RABGAP1L: variants seen among roughly 807,000 people sequenced by gnomAD.
The protein encoded by RABGAP1L is rab GTPase-activating protein 1-like.
Under a neutral mutation model 137.7 loss-of-function variants are expected in RABGAP1L, and 63 were observed. The ratio of observed to expected loss-of-function variants is 0.46; its 90% CI spans 0.37 to 0.56. The LOEUF (loss-of-function observed/expected upper bound fraction) is 0.56. RABGAP1L is among the 20% of genes least tolerant of loss of function. The probability of loss-of-function intolerance (pLI) is 0.00; values close to 1 mark genes in which losing one functional copy is unlikely to be tolerated. For synonymous variants in RABGAP1L, 431 were observed against 433.7 expected, an observed-to-expected ratio of 0.99 and a Z score of 0.08; for missense variants, 1,095 against 1,244.0, an observed-to-expected ratio of 0.88 and a Z score of 1.80.
rs1571776889 is a variant in RABGAP1L at position 174,250,478 on chromosome 1, A to G, written c.721A>G (p.Ser241Gly). ...VFSCEIKEAVSRILYSFCTAF... is the reference protein window; with the variant it reads ...VFSCEIKEAVGRILYSFCTAF... ...ATTTCCTTTTTTATTCTTTTAGGTA[A>G]GCAGAATTTTGTACAGTTTCTGTAC... is the stretch of plus-strand genomic sequence containing the variant. Residue 241 changes from serine (S) to glycine (G), a missense_variant, in exon 6 of 26, where the codon AGC becomes GGC. Transcript: ENST00000681986. The G allele has an allele frequency of 1.2e-6, 2 of 1,602,362 alleles. No individual in the cohort carries two copies. The highest frequency in any genetic ancestry group is 8.5e-7 in the Non-Finnish European group (1 of 1,173,684).
intron 19 of RABGAP1L, among the ~76,000 whole-genome samples, chr1:174,915,489 G>C (rs1242081798): frequency 1.3e-5 from 2 of 151,884 alleles, no homozygotes; most frequent in Admixed American, 6.6e-5. Flanking sequence ...AGACAGTCTT[G>C]CTCTGTCACC....
chr1:174,585,442 T>C (rs984513301), intron 13 of RABGAP1L, among the ~76,000 whole-genome samples: 1 of 152,116 alleles, frequency 6.6e-6, no homozygotes, highest in Non-Finnish European at 1.5e-5. Context: ...AATCAAGTTT[T>C]CCCCAATTGG....
chr1:174,955,021 C>T (rs1274069356), intron 19 of RABGAP1L, among the ~76,000 whole-genome samples: 1 of 152,176 alleles, frequency 6.6e-6, no homozygotes, highest in African/African-American at 2.4e-5. Flanking sequence ...GTTTTGTTAA[C>T]ACATGATTGT....
intron 1 of RABGAP1L, among the ~76,000 whole-genome samples, chr1:174,165,295 G>A (rs556397924): frequency 1.3e-5 from 2 of 151,994 alleles, no homozygotes; most frequent in Admixed American, 1.3e-4. Flanking sequence ...GATTACAGGC[G>A]CCAACTGCCA....
At chr1:174,405,777 A>C (rs1357161769) in intron 13 of RABGAP1L, among the ~76,000 whole-genome samples, 1 of 152,128 alleles carries the variant, frequency 6.6e-6, no homozygotes, top group Non-Finnish European at 1.5e-5. Context: ...TAGGAGTTCG[A>C]GACCAGCCTG....
At chr1:174,958,003 C>A in intron 20 of RABGAP1L, 2 of 1,550,568 alleles carry the variant, frequency 1.3e-6, no homozygotes. Context: ...AAAAATGAAA[C>A]AAAAAGGAAA....
chr1:174,843,735 A>AT, intron 19 of RABGAP1L, among the ~76,000 whole-genome samples: 1 of 92,176 alleles, frequency 1.1e-5, no homozygotes, highest in South Asian at 4.6e-4. Context: ...TCATTTGGGT[A>AT]TATACCCAGT....
At chr1:174,584,442 C>T (rs756656243) in intron 13 of RABGAP1L, among the ~76,000 whole-genome samples, 8 of 152,110 alleles carry the variant, frequency 5.3e-5, no homozygotes, top group Non-Finnish European at 1.2e-4. Flanking sequence ...AAATATCATT[C>T]TTGGGTCAGG....
chr1:174,490,218 G>A (rs565988393), intron 13 of RABGAP1L, among the ~76,000 whole-genome samples: 3 of 152,174 alleles, frequency 2.0e-5, no homozygotes, highest in African/African-American at 4.8e-5. Context: ...TATTTGTAAC[G>A]GTCTTTCTTG....
At chr1:174,197,216 A>T (rs1667753723) in intron 1 of RABGAP1L, among the ~76,000 whole-genome samples, 1 of 152,162 alleles carries the variant, frequency 6.6e-6, no homozygotes, top group South Asian at 2.1e-4. Context: ...ATGAAGTTGA[A>T]GTTTAGAGAT....
At chr1:174,858,919 G>A (rs1040913558) in intron 19 of RABGAP1L, among the ~76,000 whole-genome samples, 6 of 152,168 alleles carry the variant, frequency 3.9e-5, no homozygotes, top group South Asian at 2.1e-4. Context: ...ACAGATGCTG[G>A]TGAGGTTGTT....
At chr1:174,479,288 G>T (rs1173258286) in intron 13 of RABGAP1L, among the ~76,000 whole-genome samples, 5 of 152,162 alleles carry the variant, frequency 3.3e-5, no homozygotes, top group African/African-American at 1.2e-4. Context: ...TAATGCATTT[G>T]CCCAGTGTTA....
chr1:174,889,505 C>T (rs910375155), intron 19 of RABGAP1L, among the ~76,000 whole-genome samples: 8 of 152,102 alleles, frequency 5.3e-5, no homozygotes, highest in Admixed American at 2.6e-4. Flanking sequence ...ACTGCAGCCT[C>T]GAACTCCTGG....
chr1:174,173,322 G>A (rs759304368), intron 1 of RABGAP1L, among the ~76,000 whole-genome samples: 3 of 151,854 alleles, frequency 2.0e-5, no homozygotes, highest in Middle Eastern at 3.4e-3. Flanking sequence ...TAGAGATGGC[G>A]TTTCTCCATG....
chr1:174,973,532 C>G (rs1263322517), intron 21 of RABGAP1L, among the ~76,000 whole-genome samples: 1 of 151,690 alleles, frequency 6.6e-6, no homozygotes, highest in Non-Finnish European at 1.5e-5. Context: ...TTACAGGTGC[C>G]CAAAACCATG....
rs759822709 is a variant in RABGAP1L at position 174,991,381 on chromosome 1, G to T, written c.*1380G>T. On this transcript the variant is annotated 3_prime_UTR_variant, in exon 26 of 26. Coordinates refer to ENST00000681986, the MANE Select transcript of RABGAP1L (RefSeq NM_001366446.1). ...CATTGTTGAACATATTATTTGCAAAGAATCTTAAACTCTGTAGTGCCAGAA... is the reference window on the plus strand; with the variant it reads ...CATTGTTGAACATATTATTTGCAAATAATCTTAAACTCTGTAGTGCCAGAA... The T allele has an allele frequency of 4.6e-5, 7 of 152,138 alleles. No individual in the cohort carries two copies. The highest frequency in any genetic ancestry group is 8.8e-5 in the Non-Finnish European group (6 of 68,034). 9.4% of individuals were successfully genotyped at this position (152,138 alleles called of 1,614,324 possible).
chr1:174,475,630 A>G (rs992550639), intron 13 of RABGAP1L, among the ~76,000 whole-genome samples: 10 of 152,166 alleles, frequency 6.6e-5, no homozygotes, highest in African/African-American at 2.4e-4. Flanking sequence ...AGATCAAGCC[A>G]GGAATGGTGG....
chr1:174,604,718 A>C (rs938265903), intron 13 of RABGAP1L, among the ~76,000 whole-genome samples: 5 of 152,218 alleles, frequency 3.3e-5, no homozygotes, highest in Non-Finnish European at 7.3e-5. Context: ...TTACCATGTC[A>C]ATGCCATCTT....
At chr1:174,599,448 A>G (rs1670252327) in intron 13 of RABGAP1L, among the ~76,000 whole-genome samples, 1 of 152,156 alleles carries the variant, frequency 6.6e-6, no homozygotes, top group Non-Finnish European at 1.5e-5. Flanking sequence ...GGACCTCCAG[A>G]TGATTTCTTT....
Sources: allele counts gnomAD v4.1 joint callset (sites outside exome capture counted in the v4.1 genomes callset), GRCh38; gene constraint gnomAD v4.1.1; transcripts MANE v1.5; gene names NCBI Gene and HGNC (gene_info 2026-07-23, HGNC 2026-07-21).